ARFGEF2: variants seen among roughly 807,000 people sequenced by gnomAD.
ARFGEF2 encodes brefeldin A-inhibited guanine nucleotide-exchange protein 2.
In ARFGEF2, 74 loss-of-function variants were observed where a neutral mutation model predicts 219.9. The observed-to-expected ratio is 0.34, with a 90% CI of 0.28 to 0.41. The LOEUF (loss-of-function observed/expected upper bound fraction) is 0.41. ARFGEF2 is among the 10% of genes least tolerant of loss of function. The pLI is 1.00. For missense variants in ARFGEF2, 1,743 were observed against 2,218.3 expected (o/e 0.79, Z 4.30); for synonymous variants, 733 against 799.2 (o/e 0.92, Z 1.40).
At chr20:48,962,251 A>G (rs547576836) in intron 6 of ARFGEF2, among the ~76,000 whole-genome samples, 2 of 152,334 alleles carry the variant, frequency 1.3e-5, no homozygotes, top group East Asian at 1.9e-4. Context: ...ATTATGTACT[A>G]TACAGAACTG....
At chr20:49,006,033 T>C (rs561070508) in intron 26 of ARFGEF2, among the ~76,000 whole-genome samples, 12 of 151,980 alleles carry the variant, frequency 7.9e-5, no homozygotes, top group Non-Finnish European at 1.5e-4. Context: ...CGGTGGCTCA[T>C]GCCTGTAATC....
intron 13 of ARFGEF2, among the ~76,000 whole-genome samples, chr20:48,975,191 AT>A (rs923307404): frequency 9.9e-5 from 15 of 152,128 alleles, no homozygotes; most frequent in African/African-American, 3.6e-4. Flanking sequence ...TGGAGTTTTA[AT>A]TTTTTTAAAG....
chr20:49,013,792 C>T (rs2091515039), intron 29 of ARFGEF2, 39 bp from the exon 30 acceptor site: 3 of 1,613,970 alleles, frequency 1.9e-6, no homozygotes. Context: ...TTCTCTTCTC[C>T]ACCATTCTCT....
intron 15 of ARFGEF2, among the ~76,000 whole-genome samples, chr20:48,985,074 A>G (rs1383769404): frequency 6.6e-6 from 1 of 152,012 alleles, no homozygotes; most frequent in African/African-American, 2.4e-5. Flanking sequence ...GTGGCTGCAT[A>G]TTTGCTGGAA....
intron 14 of ARFGEF2, among the ~76,000 whole-genome samples, chr20:48,983,626 T>C (rs911736134): frequency 6.6e-6 from 1 of 152,210 alleles, no homozygotes; most frequent in African/African-American, 2.4e-5. Context: ...AGTCACACAA[T>C]GTATTTTCAG....
intron 16 of ARFGEF2, 147 bp downstream of exon 16, chr20:48,985,760 AT>A: frequency 1.2e-6 from 1 of 868,034 alleles, no homozygotes; most frequent in South Asian, 1.4e-5. Context: ...GTGCTAAGGG[AT>A]TATTTCACAT....
At chr20:48,979,920 A>G (rs6019568) in intron 14 of ARFGEF2, among the ~76,000 whole-genome samples, 40 of 151,362 alleles carry the variant, frequency 2.6e-4, no homozygotes, top group African/African-American at 9.7e-4. Context: ...GATCTTTTTT[A>G]AAAAAACAGC....
chr20:48,930,771 G>A (rs2090908313), intron 1 of ARFGEF2, among the ~76,000 whole-genome samples: 2 of 152,098 alleles, frequency 1.3e-5, no homozygotes, highest in African/African-American at 4.8e-5. Context: ...AGGAATTTGG[G>A]AGTCAGCAGA....
At chr20:49,009,706 T>C (rs1393051504) in intron 26 of ARFGEF2, among the ~76,000 whole-genome samples, 1 of 152,208 alleles carries the variant, frequency 6.6e-6, no homozygotes, top group East Asian at 1.9e-4. Flanking sequence ...AAACTATATA[T>C]GTATACTCCA....
intron 13 of ARFGEF2, 58 bp from the exon 14 acceptor site, chr20:48,975,958 C>G (rs530469122): frequency 1.3e-6 from 2 of 1,574,086 alleles, no homozygotes; most frequent in Admixed American, 3.4e-5. Flanking sequence ...AGACCTAGCT[C>G]GGCTGTGTCT....
At position 48,950,811 on chromosome 20, in the gene ARFGEF2, AATATATATAT is replaced by A. The variant is rs71184245; in HGVS notation, c.277-485_277-476del. On this transcript the variant is annotated intron_variant, in intron 3 of 38. Transcript: ENST00000371917. ...ACCCTGTCTAAAAAAAAAAAAAAAA[AATATATATAT>A]ATATATATATATATATATATATATA... 9.0e-3 allele frequency among the ~76,000 whole-genome samples: 578 copies of A among 64,412 alleles called. 24 individuals are homozygous for A. Among genetic ancestry groups the A allele is most frequent in the South Asian group, 0.049 (79 of 1,624 alleles). 42.3% of individuals were successfully genotyped at this position (64,412 alleles called of 152,430 possible).
intron 23 of ARFGEF2, among the ~76,000 whole-genome samples, chr20:48,996,619 C>G (rs2091390062): frequency 6.6e-6 from 1 of 151,792 alleles, no homozygotes; most frequent in Non-Finnish European, 1.5e-5. Flanking sequence ...TGACGCATGC[C>G]AGTAATCCCA....
chr20:48,930,602 A>T (rs2090907304), intron 1 of ARFGEF2, among the ~76,000 whole-genome samples: 1 of 152,144 alleles, frequency 6.6e-6, no homozygotes, highest in Non-Finnish European at 1.5e-5. Flanking sequence ...GGAATGTGGG[A>T]AGAGGACTAC....
At chr20:48,946,954 G>T (rs1176033288) in intron 3 of ARFGEF2, among the ~76,000 whole-genome samples, 1 of 151,706 alleles carries the variant, frequency 6.6e-6, no homozygotes, top group South Asian at 2.1e-4. Flanking sequence ...GGTGTGTGCC[G>T]CCACACCCAG....
chr20:49,005,790 G>A (rs754671201), intron 26 of ARFGEF2, among the ~76,000 whole-genome samples: 38 of 151,524 alleles, frequency 2.5e-4, no homozygotes, highest in Non-Finnish European at 2.9e-4. Context: ...CCCTTTTGGG[G>A]CTGGTTCTCA....
At chr20:48,935,159 C>G (rs1404794494) in intron 1 of ARFGEF2, among the ~76,000 whole-genome samples, 7 of 151,884 alleles carry the variant, frequency 4.6e-5, no homozygotes, top group Non-Finnish European at 2.9e-5. Context: ...TTGGCAGGGT[C>G]ACAGGACAAT....
chr20:48,990,854 A>C (rs2091353516), intron 20 of ARFGEF2, among the ~76,000 whole-genome samples, 186 bp from the exon 21 acceptor site: 1 of 152,218 alleles, frequency 6.6e-6, no homozygotes, highest in East Asian at 1.9e-4. Flanking sequence ...GTGCATAGAT[A>C]CCTCTGCAAG....
chr20:49,007,463 A>G (rs1296156953), intron 26 of ARFGEF2, among the ~76,000 whole-genome samples: 1 of 151,614 alleles, frequency 6.6e-6, no homozygotes, highest in African/African-American at 2.4e-5. Context: ...CTAATTTTGT[A>G]TTTTTGGTAG....
chr20:48,933,542 T>A (rs1355011796), intron 1 of ARFGEF2, among the ~76,000 whole-genome samples: 1 of 152,162 alleles, frequency 6.6e-6, no homozygotes, highest in Non-Finnish European at 1.5e-5. Context: ...TCATCATTAT[T>A]ATTATTAGGG....
Sources: allele counts gnomAD v4.1 joint callset (sites outside exome capture counted in the v4.1 genomes callset), GRCh38; gene constraint gnomAD v4.1.1; transcripts MANE v1.5; gene names NCBI Gene and HGNC (gene_info 2026-07-23, HGNC 2026-07-21).